Variants in ADCY8 observed in about 807,000 individuals in gnomAD.
The protein encoded by ADCY8 is adenylate cyclase type 8.
Under a neutral mutation model 119.7 loss-of-function variants are expected in ADCY8, and 51 were observed. The ratio of observed to expected loss-of-function variants is 0.43; its 90% confidence interval spans 0.34 to 0.54. The LOEUF is 0.54. ADCY8 is among the 20% of genes least tolerant of loss of function. ADCY8 has a pLI of 0.03. For missense variants in ADCY8, 1,383 were observed against 1,598.8 expected (o/e 0.87, Z 2.30); for synonymous variants, 665 against 651.0 (o/e 1.02, Z -0.33).
At chr8:130,822,588 A>T (rs1330716434) in intron 12 of ADCY8, among the ~76,000 whole-genome samples, 2 of 142,690 alleles carry the variant, frequency 1.4e-5, no homozygotes, top group African/African-American at 5.2e-5. Context: ...CCATCCATCC[A>T]TCCATCCTTC....
At chr8:130,845,254 G>A (rs1019251135) in intron 11 of ADCY8, among the ~76,000 whole-genome samples, 1 of 151,954 alleles carries the variant, frequency 6.6e-6, no homozygotes, top group Non-Finnish European at 1.5e-5. Flanking sequence ...TTAGGTCAAG[G>A]GTATACAATA....
chr8:130,824,044 G>A (rs1816598919), intron 12 of ADCY8, among the ~76,000 whole-genome samples: 1 of 152,156 alleles, frequency 6.6e-6, no homozygotes, highest in Admixed American at 6.5e-5. Flanking sequence ...GGCCCACGGA[G>A]GAGTAGTCAT....
At chr8:130,896,422 AT>A (rs888570614) in intron 7 of ADCY8, among the ~76,000 whole-genome samples, 12 of 152,104 alleles carry the variant, frequency 7.9e-5, no homozygotes, top group Non-Finnish European at 1.8e-4. Flanking sequence ...TAAAGAATGC[AT>A]TTTTTTGCAC....
At chr8:130,797,753 C>T (rs1002850846) in intron 15 of ADCY8, among the ~76,000 whole-genome samples, 22 of 152,196 alleles carry the variant, frequency 1.4e-4, no homozygotes, top group Non-Finnish European at 4.4e-5. Context: ...AACTCATAGT[C>T]ACCCTGCCTC....
intron 7 of ADCY8, among the ~76,000 whole-genome samples, chr8:130,896,489 G>T (rs73346438): frequency 0.026 from 3,994 of 152,056 alleles, 188 homozygotes; most frequent in African/African-American, 0.09. Context: ...ACCCTTTAGG[G>T]GCAGAAAGAA....
At chr8:131,004,081 T>C (rs566921803) in intron 1 of ADCY8, among the ~76,000 whole-genome samples, 1 of 152,254 alleles carries the variant, frequency 6.6e-6, no homozygotes, top group African/African-American at 2.4e-5. Flanking sequence ...TCTTCACAGT[T>C]ATCGGGAAAG....
chr8:130,951,732 A>C (rs566446099), intron 3 of ADCY8, 136 bp downstream of exon 3: 1 of 1,013,272 alleles, frequency 9.9e-7, no homozygotes, highest in Admixed American at 2.7e-5. Context: ...ATGAATAATC[A>C]CTAGGTAATG....
At chr8:130,806,451 A>T (rs1815961105) in intron 14 of ADCY8, among the ~76,000 whole-genome samples, 1 of 152,196 alleles carries the variant, frequency 6.6e-6, no homozygotes. Flanking sequence ...TCAGATCAAG[A>T]TGATTCAGGA....
rs369373540 is a variant in ADCY8, at chr8:130,909,797, G to T, written c.1551C>A (p.Cys517Ter). 3 of 1,614,042 alleles carry T rather than the reference G, an allele frequency of 1.9e-6. No individual in the cohort carries two copies. Among genetic ancestry groups the T allele is most frequent in the Non-Finnish European group, 2.5e-6 (3 of 1,179,992 alleles). The change falls in exon 6 of 18, where the codon TGC becomes TGA. Residue 517 changes from cysteine (C) to a stop codon, truncating the protein, a stop_gained. Transcript: ENST00000286355. LOFTEE classifies it high-confidence loss of function. ...RIGIHSGSVLCGVLGLRKWQF... is the reference protein window; with the variant it reads ...RIGIHSGSVL ...GCCACTTCCTTAGTCCCAAAACACC[G>T]CACAGCACCGAGCCGGAGTGGATTC...
intron 9 of ADCY8, among the ~76,000 whole-genome samples, chr8:130,858,463 T>C (rs1817819315): frequency 6.6e-6 from 1 of 152,196 alleles, no homozygotes; most frequent in Admixed American, 6.5e-5. Context: ...ATGATTACAT[T>C]ACGGGTTTGG....
chr8:130,936,998 C>T (rs2130624212), intron 5 of ADCY8, 75 bp downstream of exon 5: 1 of 1,475,038 alleles, frequency 6.8e-7, no homozygotes, highest in Non-Finnish European at 9.1e-7. Context: ...TATGATTTAC[C>T]ACAAAGGGTA....
intron 12 of ADCY8, among the ~76,000 whole-genome samples, chr8:130,829,542 A>G (rs568994704): frequency 6.7e-6 from 1 of 148,336 alleles, no homozygotes; most frequent in African/African-American, 2.4e-5. Flanking sequence ...GTTGTTTAAA[A>G]GAAGCATGTT....
intron 1 of ADCY8, among the ~76,000 whole-genome samples, chr8:131,004,132 G>A (rs937909962): frequency 8.5e-5 from 13 of 152,182 alleles, no homozygotes. Flanking sequence ...TTGAGCAGGT[G>A]AGAGGGTGGA....
rs1052021666 is a variant in ADCY8, at chr8:130,867,867, T to C, written c.2189A>G (p.Gln730Arg). The change falls in exon 9 of 18, where the codon CAA becomes CGA. Residue 730 changes from glutamine to arginine, a missense_variant. Around this residue, in one of 2 missense-constraint regions of ADCY8, gnomAD observed 928 missense variants for 1,163.5 expected, o/e 0.80. Transcript: ENST00000286355. ...FIVLLFITAI[Q>R]SLLPSSRVMP... ...TTACCTTGAAGAAGGAAGCAAACTT[T>C]GTATTGCCGTGATAAATAGAAGAAC... The C allele has an allele frequency of 6.2e-7, 1 of 1,611,174 alleles. No individual in the cohort carries two copies.
At chr8:130,889,712 T>G (rs73717233) in intron 7 of ADCY8, among the ~76,000 whole-genome samples, 3,649 of 152,318 alleles carry the variant, frequency 0.024, 127 homozygotes, top group African/African-American at 0.084. Context: ...TGCATAATTC[T>G]TCTTAGTTTG....
At chr8:130,974,038 C>T (rs77365318) in intron 2 of ADCY8, among the ~76,000 whole-genome samples, 3,184 of 152,294 alleles carry the variant, frequency 0.021, 131 homozygotes, top group African/African-American at 0.071. Context: ...CTTTTGAATA[C>T]TCTTGATAAT....
intron 9 of ADCY8, among the ~76,000 whole-genome samples, chr8:130,864,041 A>T (rs997430056): frequency 5.3e-5 from 8 of 152,200 alleles, no homozygotes; most frequent in African/African-American, 1.7e-4. Flanking sequence ...TTTTTCTGAG[A>T]AAGTATTTTT....
intron 1 of ADCY8, among the ~76,000 whole-genome samples, chr8:130,999,532 G>A (rs952331071): frequency 6.6e-6 from 1 of 152,066 alleles, no homozygotes; most frequent in African/African-American, 2.4e-5. Context: ...ATCTCCCTGG[G>A]GTGTCCTGAG....
intron 15 of ADCY8, among the ~76,000 whole-genome samples, chr8:130,789,259 A>C (rs1210293639): frequency 6.6e-6 from 1 of 152,166 alleles, no homozygotes; most frequent in Non-Finnish European, 1.5e-5. Context: ...CCTAAACTCT[A>C]ATGGGCTGGC....
Sources: gnomAD v4.1 joint callset for allele counts (sites outside exome capture counted in the v4.1 genomes callset) on GRCh38, gnomAD v4.1.1 for gene constraint, gnomAD v4.1.1 regional missense constraint, MANE v1.5 for transcripts, NCBI Gene and HGNC (gene_info 2026-07-23, HGNC 2026-07-21) for gene names.